The following VPS13A variants were observed in gnomAD, a reference collection of about 807,000 sequenced individuals.
VPS13A encodes the protein intermembrane lipid transfer protein VPS13A.
In VPS13A, 264 loss-of-function variants were observed where a neutral mutation model predicts 390.9. That is an observed-to-expected ratio of 0.68 (90% CI 0.61 to 0.75). The LOEUF (loss-of-function observed/expected upper bound fraction) is 0.75, where lower values mean the gene tolerates loss of function less well. Ranked by LOEUF, VPS13A falls within the 30% of genes least tolerant of loss-of-function variation. The pLI is 0.00. For synonymous variants in VPS13A, 1,231 were observed against 1,227.1 expected, an observed-to-expected ratio of 1.00 and a Z score of -0.07; for missense variants, 3,409 against 3,733.9, an observed-to-expected ratio of 0.91 and a Z score of 2.27.
intron 3 of VPS13A, among the ~76,000 whole-genome samples, chr9:77,202,280 T>G (rs946795049): frequency 6.6e-6 from 1 of 152,132 alleles, no homozygotes; most frequent in Non-Finnish European, 1.5e-5. Context: ...AAAGACTGTT[T>G]ACTGTAAGAG....
chr9:77,379,065 CTTTTTTTTTT>C (rs71503211), intron 67 of VPS13A, among the ~76,000 whole-genome samples: 2 of 72,364 alleles, frequency 2.8e-5, no homozygotes, highest in Non-Finnish European at 4.8e-5. Flanking sequence ...ATTTTCAGTC[CTTTTTTTTTT>C]TTTTTTTTTT....
chr9:77,219,633 CTG>C (rs1823072701), intron 10 of VPS13A, among the ~76,000 whole-genome samples: 1 of 152,048 alleles, frequency 6.6e-6, no homozygotes, highest in Non-Finnish European at 1.5e-5. Context: ...TTCTGTAAAA[CTG>C]TGTACTTGTA....
At position 77,247,044 on chromosome 9, in the gene VPS13A, G is replaced by A. The variant is rs2022444; in HGVS notation, c.1901-215G>A. Among the ~76,000 whole-genome samples the A allele has an allele frequency of 0.2, 30,800 of 151,790 alleles. 3,317 individuals are homozygous for A. Among genetic ancestry groups the A allele is most frequent in the Middle Eastern group, 0.26 (75 of 294 alleles). On this transcript the variant is annotated intron_variant, in intron 19 of 71. Transcript: ENST00000360280. ...TATAGGTTAAAAATTTTTTTTGGAA[G>A]AATCACTCCAATTTTGTACTCAGCT...
At chr9:77,238,675 TTTC>T (rs1824290218) in intron 19 of VPS13A, among the ~76,000 whole-genome samples, 1 of 152,210 alleles carries the variant, frequency 6.6e-6, no homozygotes, top group Non-Finnish European at 1.5e-5. Flanking sequence ...CTCGTTTTCC[TTTC>T]TTAGAATGCG....
chr9:77,323,368 A>G, intron 45 of VPS13A, 141 bp downstream of exon 45: 1 of 1,007,376 alleles, frequency 9.9e-7, no homozygotes, highest in Non-Finnish European at 1.5e-6. Context: ...AAGACTCACT[A>G]CCACCAGTTG....
intron 71 of VPS13A, among the ~76,000 whole-genome samples, chr9:77,409,557 A>G (rs889710778): frequency 6.6e-6 from 1 of 152,154 alleles, no homozygotes; most frequent in Non-Finnish European, 1.5e-5. Context: ...TTGAAAAAAA[A>G]TTAGATGAAT....
intron 45 of VPS13A, among the ~76,000 whole-genome samples, chr9:77,330,629 G>T (rs1830232551): frequency 6.6e-6 from 1 of 152,138 alleles, no homozygotes; most frequent in African/African-American, 2.4e-5. Flanking sequence ...CAGAAAATAT[G>T]TTGGAAAACT....
At chr9:77,253,398 T>G (rs1162716504) in intron 22 of VPS13A, among the ~76,000 whole-genome samples, 1 of 152,026 alleles carries the variant, frequency 6.6e-6, no homozygotes, top group Non-Finnish European at 1.5e-5. Context: ...CTCCACCTCC[T>G]GGGTTCAAGT....
intron 17 of VPS13A, among the ~76,000 whole-genome samples, chr9:77,231,200 C>T (rs548767156): frequency 4.6e-5 from 7 of 151,998 alleles, no homozygotes; most frequent in South Asian, 2.1e-4. Flanking sequence ...TCTTCCATTC[C>T]GATGTGGATG....
chr9:77,269,853 T>A (rs1205297992), intron 23 of VPS13A, among the ~76,000 whole-genome samples: 1 of 152,182 alleles, frequency 6.6e-6, no homozygotes, highest in Non-Finnish European at 1.5e-5. Context: ...ACAGCAGTGA[T>A]TAAGTTAAAA....
chr9:77,194,602 T>A (rs1486232238), intron 1 of VPS13A, among the ~76,000 whole-genome samples: 1 of 152,104 alleles, frequency 6.6e-6, no homozygotes, highest in African/African-American at 2.4e-5. Context: ...CTCAAATGTC[T>A]GTAGGGGTCA....
chr9:77,382,334 C>A, intron 68 of VPS13A: 1 of 1,536,986 alleles, frequency 6.5e-7, no homozygotes. Flanking sequence ...TGAAAGCCAA[C>A]AGTAGATTTT....
intron 71 of VPS13A, among the ~76,000 whole-genome samples, chr9:77,411,313 C>A (rs1834909521): frequency 6.6e-6 from 1 of 152,026 alleles, no homozygotes; most frequent in Non-Finnish European, 1.5e-5. Context: ...ATTTATAGCA[C>A]TAAATGTCCA....
intron 50 of VPS13A, 38 bp from the exon 51 acceptor site, chr9:77,344,115 C>A (rs770346005): frequency 6.1e-6 from 9 of 1,466,252 alleles, no homozygotes; most frequent in African/African-American, 1.4e-5. Context: ...ATGGTGAAAT[C>A]TGTTTATTTT....
At chr9:77,216,491 G>A (rs577515666) in intron 10 of VPS13A, among the ~76,000 whole-genome samples, 4 of 152,228 alleles carry the variant, frequency 2.6e-5, no homozygotes, top group South Asian at 4.2e-4. Context: ...TGTCTAGTAC[G>A]CAAGTGAAGA....
intron 41 of VPS13A, among the ~76,000 whole-genome samples, chr9:77,318,851 AATAT>A (rs1213753987): frequency 6.6e-6 from 1 of 152,142 alleles, no homozygotes; most frequent in African/African-American, 2.4e-5. Flanking sequence ...ACTTAAAGAT[AATAT>A]ATTATTCGAC....
At position 77,314,591 on chromosome 9, in the gene VPS13A, A is replaced by G; in HGVS notation, c.4339A>G (p.Thr1447Ala). 8 of 1,611,830 alleles carry G rather than the reference A, an allele frequency of 5.0e-6. No homozygotes were observed. The highest frequency in any genetic ancestry group is 6.8e-6 in the Non-Finnish European group (8 of 1,178,850). Residue 1447 changes from threonine to alanine, a missense_variant, in exon 37 of 72, where the codon ACA becomes GCA. Transcript: ENST00000360280. ...STLKMYTDGS[T>A]FSSFSLKNCI... ...TTTAAAAATGTATACAGATGGCTCA[A>G]CATTTTCTTCCTTCTCATTAAAAAA...
intron 68 of VPS13A, among the ~76,000 whole-genome samples, chr9:77,398,087 T>G (rs1282098098): frequency 6.6e-6 from 1 of 152,162 alleles, no homozygotes; most frequent in Admixed American, 6.5e-5. Flanking sequence ...ACAAATTATT[T>G]TAATAGAACC....
At chr9:77,209,915 C>T (rs1825873346) in intron 6 of VPS13A, among the ~76,000 whole-genome samples, 1 of 152,094 alleles carries the variant, frequency 6.6e-6, no homozygotes, top group Non-Finnish European at 1.5e-5. Flanking sequence ...TTTCTCTTAA[C>T]CAGATAATTA....
Sources: gnomAD v4.1 joint callset for allele counts (sites outside exome capture counted in the v4.1 genomes callset) on GRCh38, gnomAD v4.1.1 for gene constraint, MANE v1.5 for transcripts, NCBI Gene and HGNC (gene_info 2026-07-23, HGNC 2026-07-21) for gene names.